The following PHACTR2 variants were observed in gnomAD, a reference collection of about 807,000 sequenced individuals.
PHACTR2 encodes the protein chromosome 6 open reading frame 56.
Under a neutral mutation model 76.0 loss-of-function variants are expected in PHACTR2, and 30 were observed. The observed-to-expected ratio is 0.39, with a 90% CI of 0.30 to 0.54. The LOEUF (loss-of-function observed/expected upper bound fraction) is 0.54. Among genes scored for constraint, PHACTR2 ranks in the 20% least tolerant of loss-of-function variants. The probability of loss-of-function intolerance (pLI) is 0.61; values close to 1 mark genes in which losing one functional copy is unlikely to be tolerated. For missense variants in PHACTR2, 696 were observed against 781.1 expected (o/e 0.89, Z 1.30); for synonymous variants, 292 against 292.5 (o/e 1.00, Z 0.02).
At chr6:143,600,808 C>A (rs1775805820) in intron 1 of PHACTR2, among the ~76,000 whole-genome samples, 1 of 152,190 alleles carries the variant, frequency 6.6e-6, no homozygotes, top group Non-Finnish European at 1.5e-5. Flanking sequence ...CAAATTGAGA[C>A]AGAAGCCTGA....
chr6:143,707,229 C>T (rs1778075398), intron 1 of PHACTR2, among the ~76,000 whole-genome samples: 2 of 152,138 alleles, frequency 1.3e-5, no homozygotes, highest in African/African-American at 2.4e-5. Flanking sequence ...AGTTTGATAT[C>T]CTTAGTGTTT....
chr6:143,557,229 AG>A lies in PHACTR2; in HGVS notation c.217+20024del, dbSNP rs1760528737. Among the ~76,000 whole-genome samples, 2 of 152,242 alleles carry A rather than the reference AG, an allele frequency of 1.3e-5. No homozygotes were observed. The highest frequency in any genetic ancestry group is 2.4e-5 in the African/African-American group (1 of 41,468). ...CACTAGTATTGCAGAGAAGTTTAAA[AG>A]GATTCTCATCTCTCAACCATATTTC... On this transcript the variant is annotated intron_variant, in intron 1 of 11. Coordinates refer to the PHACTR2 transcript ENST00000367584. The surrounding 1 kb of genome is among the most constrained non-coding windows in gnomAD (Gnocchi z 5.5).
chr6:143,546,425 G>A lies in PHACTR2; in HGVS notation c.217+9218G>A, dbSNP rs1774997086. On this transcript the variant is annotated intron_variant, in intron 1 of 11. Coordinates refer to the PHACTR2 transcript ENST00000367584. The surrounding 1 kb of genome is among the most constrained non-coding windows in gnomAD (Gnocchi z 4.9). ...CTGTGGCTAGGGCAAGAATGTCAGA[G>A]GTACAATGCTTTGATTTTGGGTCCA... Among the ~76,000 whole-genome samples, 1 of 151,818 alleles carries A rather than the reference G, an allele frequency of 6.6e-6. No individual in the cohort carries two copies. Among genetic ancestry groups the A allele is most frequent in the Non-Finnish European group, 1.5e-5 (1 of 67,982 alleles).
Position 143,827,381 on chromosome 6 carries a change from A to G in PHACTR2, c.*3692A>G, listed in dbSNP as rs1776569465. ...ATAGAAAAGGGTAGTCTTGTCTACC[A>G]CAGAGGAGTATGTCCACACTTAATA... On this transcript the variant is annotated 3_prime_UTR_variant, in exon 13 of 13. Coordinates refer to ENST00000440869, the MANE Select transcript of PHACTR2 (RefSeq NM_001100164.2). 1 of 151,750 alleles carries G rather than the reference A, an allele frequency of 6.6e-6. No homozygotes were observed. The highest frequency in any genetic ancestry group is 2.4e-5 in the African/African-American group (1 of 41,346). The allele number at this position is 151,750 out of a possible 1,614,324, so 9.4% of individuals were successfully genotyped here.
At chr6:143,771,194 G>GTGTATATATA (rs1385863777) in intron 6 of PHACTR2, among the ~76,000 whole-genome samples, 1 of 40,460 alleles carries the variant, frequency 2.5e-5, no homozygotes, top group Non-Finnish European at 4.6e-5. Context: ...ATATATGTGT[G>GTGTATATATA]TATATATATA....
rs750315094 is a variant in PHACTR2, at chr6:143,602,499, A to G, written c.217+65292A>G. Among the ~76,000 whole-genome samples, 12 of 152,114 alleles carry G rather than the reference A, an allele frequency of 7.9e-5. No individual in the cohort carries two copies. The highest frequency in any genetic ancestry group is 1.5e-4 in the Non-Finnish European group (10 of 68,020). On this transcript the variant is annotated intron_variant, in intron 1 of 11. Coordinates refer to the PHACTR2 transcript ENST00000367584. This position sits in a 1 kb window ranked among gnomAD's most constrained non-coding sequence, Gnocchi z 6.1. The stretch of plus-strand genomic sequence containing the variant: ...GGAGCTCTTTTAGAGCCATTACTAC[A>G]TAGGAGCTGCGCATCTGGCCTTGAC...
intron 2 of PHACTR2, 151 bp from the exon 3 acceptor site, chr6:143,748,834 A>G: frequency 1.9e-6 from 1 of 524,684 alleles, no homozygotes; most frequent in African/African-American, 2.4e-5. Context: ...TGTTGATTCC[A>G]CTCAGATCAT....
upstream of PHACTR2, among the ~76,000 whole-genome samples, chr6:143,605,088 G>C (rs1403496504): frequency 3.3e-5 from 5 of 151,016 alleles, no homozygotes; most frequent in Non-Finnish European, 7.4e-5. The surrounding 1 kb of genome is among the most constrained non-coding windows in gnomAD (Gnocchi z 5.0). Context: ...AGACAGGCCC[G>C]GCATCCCAAA....
At chr6:143,676,493 C>T (rs1777247632), upstream of PHACTR2, among the ~76,000 whole-genome samples, 1 of 152,148 alleles carries the variant, frequency 6.6e-6, no homozygotes, top group Non-Finnish European at 1.5e-5. The surrounding 1 kb of genome is among the most constrained non-coding windows in gnomAD (Gnocchi z 4.8). Flanking sequence ...GAAAGACTGT[C>T]AAAAGGAAGA....
At position 143,581,444 on chromosome 6, in the gene PHACTR2, G is replaced by A. The variant is rs769747300; in HGVS notation, c.217+44237G>A. Among the ~76,000 whole-genome samples the A allele has an allele frequency of 5.9e-5, 9 of 152,162 alleles. No individual in the cohort carries two copies. The highest frequency in any genetic ancestry group is 3.9e-4 in the East Asian group (2 of 5,186). ...AGTCAGGCATGATCTCGGAGAGGGCGCTTGTTTGGGGGTTACTCAGTGAGA... is the reference window on the plus strand; with the variant it reads ...AGTCAGGCATGATCTCGGAGAGGGCACTTGTTTGGGGGTTACTCAGTGAGA... On this transcript the variant is annotated intron_variant, in intron 1 of 11. Transcript: ENST00000367584. The surrounding 1 kb of genome is among the most constrained non-coding windows in gnomAD (Gnocchi z 4.5).
In PHACTR2 at chr6:143,733,798, G is replaced by T. The variant is rs973611564; in HGVS notation, c.215-15187G>T. 6.6e-6 allele frequency among the ~76,000 whole-genome samples: 1 copy of T among 152,166 alleles called. No individual in the cohort carries two copies. Among genetic ancestry groups the T allele is most frequent in the Non-Finnish European group, 1.5e-5 (1 of 68,018 alleles). ...GGGTTGTATTTTAATTCAACCATTTGTGTTCTTGTGTATTTCACAACAAAA... is the reference window on the plus strand; with the variant it reads ...GGGTTGTATTTTAATTCAACCATTTTTGTTCTTGTGTATTTCACAACAAAA... On this transcript the variant is annotated intron_variant, in intron 2 of 12. Coordinates refer to ENST00000440869, the MANE Select transcript of PHACTR2 (RefSeq NM_001100164.2). The surrounding 1 kb of genome is among the most constrained non-coding windows in gnomAD (Gnocchi z 4.0).
At position 143,653,206 on chromosome 6, in the gene PHACTR2, GCAT is replaced by G. The variant is rs1776793711; in HGVS notation, c.13+44886_13+44888del. Among the ~76,000 whole-genome samples the G allele has an allele frequency of 6.6e-6, 1 of 152,172 alleles. No individual in the cohort carries two copies. The highest frequency in any genetic ancestry group is 1.5e-5 in the Non-Finnish European group (1 of 68,028). On this transcript the variant is annotated intron_variant, in intron 1 of 11. Transcript: ENST00000305766. This position sits in a 1 kb window ranked among gnomAD's most constrained non-coding sequence, Gnocchi z 4.9. ...CAAGACACGTCAGGAAGCAATTTGT[GCAT>G]CGAGACTCGAGCTGCTTTGGAGTTT...
chr6:143,742,619 C>A lies in PHACTR2; in HGVS notation c.215-6366C>A, dbSNP rs1778969629. ...GCCCAGGGATGAGGTTAGCCTTCTA[C>A]AAATAACATGGACTAAGAGAGGGGG... On this transcript the variant is annotated intron_variant, in intron 2 of 12. Coordinates refer to ENST00000440869, the MANE Select transcript of PHACTR2 (RefSeq NM_001100164.2). The surrounding 1 kb of genome is among the most constrained non-coding windows in gnomAD (Gnocchi z 4.5). Among the ~76,000 whole-genome samples, 1 of 152,150 alleles carries A rather than the reference C, an allele frequency of 6.6e-6. No individual in the cohort carries two copies. Among genetic ancestry groups the A allele is most frequent in the South Asian group, 2.1e-4 (1 of 4,828 alleles).
chr6:143,664,311 C>T lies in PHACTR2; in HGVS notation c.14-47705C>T, dbSNP rs1324624149. ...TTTGGGGTGTGTCTTCTAAAAATGA[C>T]AGATAAAGAAAGAGATGTACTATGT... On this transcript the variant is annotated intron_variant, in intron 1 of 11. Coordinates refer to the PHACTR2 transcript ENST00000305766. This position sits in a 1 kb window ranked among gnomAD's most constrained non-coding sequence, Gnocchi z 5.1. Among the ~76,000 whole-genome samples the T allele has an allele frequency of 6.6e-6, 1 of 152,016 alleles. No homozygotes were observed. Among genetic ancestry groups the T allele is most frequent in the African/African-American group, 2.4e-5 (1 of 41,396 alleles).
chr6:143,797,309 A>T (rs1394122490), intron 11 of PHACTR2, among the ~76,000 whole-genome samples: 1 of 152,186 alleles, frequency 6.6e-6, no homozygotes, highest in Non-Finnish European at 1.5e-5. Context: ...TCTGGATATT[A>T]GCCCTTTGTC....
In PHACTR2 at chr6:143,764,877, C is replaced by T. The variant is rs1470945289; in HGVS notation, c.695-384C>T. Among the ~76,000 whole-genome samples the T allele has an allele frequency of 6.6e-6, 1 of 152,216 alleles. No homozygotes were observed. Among genetic ancestry groups the T allele is most frequent in the Non-Finnish European group, 1.5e-5 (1 of 68,044 alleles). On this transcript the variant is annotated intron_variant, in intron 5 of 12. Transcript: ENST00000440869. The surrounding 1 kb of genome is among the most constrained non-coding windows in gnomAD (Gnocchi z 4.7). ...TTATGATGAGCCTAATTGTGTGCTA[C>T]ACCCAGCTAGCTGCTGATGTCTGTC... is the stretch of plus-strand genomic sequence containing the variant.
chr6:143,678,247 G>A lies in PHACTR2; in HGVS notation c.46+38G>A. On this transcript the variant is annotated intron_variant, in intron 1 of 12. Transcript: ENST00000440869. This position sits in a 1 kb window ranked among gnomAD's most constrained non-coding sequence, Gnocchi z 6.2. ...CGCACGCGATGCGCTCCCGCCGCGC[G>A]GGCGCAGGGCTGGCGGCGGGGCCCC... 1 of 1,432,662 alleles carries A rather than the reference G, an allele frequency of 7.0e-7. No individual in the cohort carries two copies. The highest frequency in any genetic ancestry group is 2.5e-4 in the Middle Eastern group (1 of 3,928). 88.7% of individuals were successfully genotyped at this position (1,432,662 alleles called of 1,614,324 possible).
rs1778114739 is a variant in PHACTR2, at chr6:143,709,210, T to C, written c.47-2806T>C. ...CTGTCCCCTGTATCTCTATCTGTTG[T>C]GCTATGGCTGAAAGTAGGGTTAGGA... On this transcript the variant is annotated intron_variant, in intron 1 of 12. Transcript: ENST00000440869. This position sits in a 1 kb window ranked among gnomAD's most constrained non-coding sequence, Gnocchi z 4.4. Among the ~76,000 whole-genome samples, 1 of 152,236 alleles carries C rather than the reference T, an allele frequency of 6.6e-6. No individual in the cohort carries two copies. Among genetic ancestry groups the C allele is most frequent in the Non-Finnish European group, 1.5e-5 (1 of 68,030 alleles).
intron 1 of PHACTR2, among the ~76,000 whole-genome samples, chr6:143,575,007 T>G (rs1248719643): frequency 6.6e-6 from 1 of 152,256 alleles, no homozygotes; most frequent in East Asian, 1.9e-4. Context: ...ATTAGATTTC[T>G]CAGTATTTAC....
Sources: allele counts gnomAD v4.1 joint callset (sites outside exome capture counted in the v4.1 genomes callset), GRCh38; gene constraint gnomAD v4.1.1; non-coding constraint Gnocchi (gnomAD v3.1); transcripts MANE v1.5; gene names NCBI Gene and HGNC (gene_info 2026-07-23, HGNC 2026-07-21).